The following PEMT variants were observed in gnomAD, a reference collection of about 807,000 sequenced individuals.
The protein encoded by PEMT is phosphatidylethanolamine N-methyltransferase.
Under a neutral mutation model 27.4 loss-of-function variants are expected in PEMT, and 23 were observed. That is an observed-to-expected ratio of 0.84 (90% CI 0.60 to 1.19). The LOEUF is 1.19. Among genes scored for constraint, PEMT ranks in the 50% most tolerant of loss-of-function variants. The pLI is 0.00. For synonymous variants in PEMT, 137 were observed against 139.1 expected, an observed-to-expected ratio of 0.98 and a Z score of 0.11; for missense variants, 307 against 310.1, an observed-to-expected ratio of 0.99 and a Z score of 0.07.
intron 1 of PEMT, among the ~76,000 whole-genome samples, chr17:17,587,865 C>G (rs1412787086): frequency 6.6e-6 from 1 of 152,110 alleles, no homozygotes; most frequent in East Asian, 1.9e-4. Flanking sequence ...GCCTGAGCAA[C>G]AGAGCGAGAC....
At chr17:17,581,457 G>A (rs180681063) in intron 1 of PEMT, among the ~76,000 whole-genome samples, 8 of 152,320 alleles carry the variant, frequency 5.3e-5, no homozygotes, top group Admixed American at 2.0e-4. Flanking sequence ...CAGACAGAAA[G>A]CCCCATAAAA....
chr17:17,553,675 G>T (rs902820671), intron 2 of PEMT, among the ~76,000 whole-genome samples: 2 of 152,192 alleles, frequency 1.3e-5, no homozygotes, highest in Non-Finnish European at 2.9e-5. Context: ...TGGCCTTCTC[G>T]CAGGACAGCC....
intron 3 of PEMT, among the ~76,000 whole-genome samples, chr17:17,514,964 G>A (rs1255652131): frequency 6.6e-6 from 1 of 152,236 alleles, no homozygotes; most frequent in Non-Finnish European, 1.5e-5. Flanking sequence ...CTGGGGCAGG[G>A]CATGGAGCAG....
intron 1 of PEMT, among the ~76,000 whole-genome samples, chr17:17,585,169 C>G (rs1480607994): frequency 6.6e-6 from 1 of 152,180 alleles, no homozygotes; most frequent in East Asian, 1.9e-4. Flanking sequence ...GAAACCCCGT[C>G]TCCACTAAAC....
chr17:17,556,396 C>T (rs952370787), intron 2 of PEMT, among the ~76,000 whole-genome samples: 1 of 149,098 alleles, frequency 6.7e-6, no homozygotes, highest in Middle Eastern at 3.4e-3. Context: ...TTTTTTTAGA[C>T]GGAGTCTCGC....
rs548368822 is a variant in PEMT, at chr17:17,541,870, G to A, written c.205-19475C>T. ...CTACCCCTGGCCCCAAGGCTAAAAC[G>A]ACAGGCCACAGACATGTGAGCCCAA... is the stretch of plus-strand genomic sequence containing the variant. On this transcript the variant is annotated intron_variant, in intron 2 of 6. Coordinates refer to ENST00000255389, the MANE Select transcript of PEMT (RefSeq NM_148172.3). Among the ~76,000 whole-genome samples, 14 of 152,334 alleles carry A rather than the reference G, an allele frequency of 9.2e-5. No homozygotes were observed. The South Asian group carries it at 2.5e-3, about 27-fold the overall frequency.
intron 2 of PEMT, among the ~76,000 whole-genome samples, chr17:17,563,296 C>T (rs1910614934): frequency 6.6e-6 from 1 of 152,168 alleles, no homozygotes; most frequent in African/African-American, 2.4e-5. Flanking sequence ...TGGGCAGACA[C>T]CTGGTCTACA....
chr17:17,574,995 A>G (rs911275795), intron 2 of PEMT, among the ~76,000 whole-genome samples: 1 of 152,170 alleles, frequency 6.6e-6, no homozygotes, highest in African/African-American at 2.4e-5. Context: ...TTGGCTTTTT[A>G]AATACCCTGG....
intron 2 of PEMT, among the ~76,000 whole-genome samples, chr17:17,562,797 A>G (rs1910580762): frequency 6.6e-6 from 1 of 152,000 alleles, no homozygotes; most frequent in Non-Finnish European, 1.5e-5. Context: ...TGACAGAGCA[A>G]GAGTCTGTCT....
chr17:17,519,740 A>G (rs570503230), intron 3 of PEMT, among the ~76,000 whole-genome samples: 28 of 152,300 alleles, frequency 1.8e-4, no homozygotes, highest in Admixed American at 2.6e-4. Context: ...CAGGGAGGTG[A>G]TGGGGAGGAC....
chr17:17,509,092 T>C (rs1479967462), intron 5 of PEMT, among the ~76,000 whole-genome samples: 1 of 152,278 alleles, frequency 6.6e-6, no homozygotes, highest in Non-Finnish European at 1.5e-5. Flanking sequence ...TGTCTGTAAG[T>C]GGAGCTGTGC....
chr17:17,590,960 G>C (rs1912554046), intron 1 of PEMT, among the ~76,000 whole-genome samples: 2 of 152,160 alleles, frequency 1.3e-5, no homozygotes, highest in Admixed American at 6.5e-5. Flanking sequence ...AAACGGCTGG[G>C]TGGTGGTCTG....
Position 17,509,641 on chromosome 17 carries a change from C to G in PEMT, c.467-96G>C, listed in dbSNP as rs975001947. On this transcript the variant is annotated intron_variant, in intron 4 of 6. Coordinates refer to ENST00000255389, the MANE Select transcript of PEMT (RefSeq NM_148172.3). ...CCAGAGCGGGCTGTGGCGAGACCTG[C>G]AGGTGAGACAGGGCCCTGCCCTCCA... The G allele has an allele frequency of 1.2e-5, 10 of 813,324 alleles. No homozygotes were observed. In the East Asian group the frequency reaches 2.5e-4, roughly 20 times the overall value. 50.4% of individuals were successfully genotyped at this position (813,324 alleles called of 1,614,324 possible). A position where few individuals can be genotyped will look rare whatever the true frequency, so the allele number is the denominator to read the frequency against.
At chr17:17,542,505 C>G (rs923178580) in intron 2 of PEMT, among the ~76,000 whole-genome samples, 4 of 152,200 alleles carry the variant, frequency 2.6e-5, no homozygotes, top group African/African-American at 7.2e-5. Context: ...TCCTGGCTAA[C>G]GCTTTCCTCT....
intron 2 of PEMT, among the ~76,000 whole-genome samples, chr17:17,540,647 C>A (rs557964373): frequency 4.0e-4 from 61 of 152,276 alleles, no homozygotes; most frequent in Non-Finnish European, 7.4e-5. Flanking sequence ...GCAGGCTCCG[C>A]CCCTCCCCAT....
intron 2 of PEMT, among the ~76,000 whole-genome samples, chr17:17,560,892 C>T (rs1244193257): frequency 3.3e-5 from 5 of 151,912 alleles, no homozygotes; most frequent in Non-Finnish European, 7.4e-5. Context: ...TTGTCCTTCC[C>T]GCTCCCAAGA....
intron 1 of PEMT, among the ~76,000 whole-genome samples, chr17:17,584,641 G>A (rs548091446): frequency 6.6e-6 from 1 of 152,234 alleles, no homozygotes; most frequent in Admixed American, 6.5e-5. Context: ...ACCTTCCAGG[G>A]CCCAGGACAG....
intron 2 of PEMT, among the ~76,000 whole-genome samples, chr17:17,547,870 G>C (rs1909369429): frequency 6.6e-6 from 1 of 152,210 alleles, no homozygotes; most frequent in Non-Finnish European, 1.5e-5. Context: ...TGAGGGGCAT[G>C]GAAAATCTAA....
chr17:17,521,673 T>C (rs1907271937), intron 3 of PEMT, among the ~76,000 whole-genome samples: 1 of 152,138 alleles, frequency 6.6e-6, no homozygotes, highest in Non-Finnish European at 1.5e-5. Flanking sequence ...CAAGCAATTC[T>C]CCTGCCTCAG....
Sources: allele counts gnomAD v4.1 joint callset (sites outside exome capture counted in the v4.1 genomes callset), GRCh38; gene constraint gnomAD v4.1.1; transcripts MANE v1.5; gene names NCBI Gene and HGNC (gene_info 2026-07-23, HGNC 2026-07-21).